Variants in GABRB1 observed in about 807,000 individuals in gnomAD.
The protein encoded by GABRB1 is gamma-aminobutyric acid receptor subunit beta-1.
In GABRB1, 17 loss-of-function variants were observed where a neutral mutation model predicts 51.6. That is an observed-to-expected ratio of 0.33 (90% CI 0.23 to 0.49). GABRB1 has a LOEUF of 0.49. GABRB1 is among the 20% of genes least tolerant of loss of function. GABRB1 has a pLI of 0.99. For missense variants in GABRB1, 410 were observed against 600.6 expected, an observed-to-expected ratio of 0.68 and a Z score of 3.32; for synonymous variants, 247 against 218.9, an observed-to-expected ratio of 1.13 and a Z score of -1.14.
intron 3 of GABRB1, among the ~76,000 whole-genome samples, chr4:47,094,706 C>T (rs1714312650): frequency 1.3e-5 from 2 of 151,404 alleles, no homozygotes; most frequent in Admixed American, 6.6e-5. Context: ...AATAAACCCC[C>T]ATGACACACG....
intron 5 of GABRB1, among the ~76,000 whole-genome samples, chr4:47,389,825 T>C (rs1018863523): frequency 2.6e-5 from 4 of 152,204 alleles, no homozygotes; most frequent in Non-Finnish European, 5.9e-5. Flanking sequence ...ACAGCAGAGC[T>C]CTTGATAAAT....
chr4:47,134,949 G>T (rs924839227), intron 3 of GABRB1, among the ~76,000 whole-genome samples: 33 of 151,964 alleles, frequency 2.2e-4, no homozygotes, highest in Non-Finnish European at 3.8e-4. Flanking sequence ...AGACTTCATC[G>T]CTACTTAAAA....
intron 5 of GABRB1, among the ~76,000 whole-genome samples, chr4:47,350,218 T>TATATATATATATAGAG (rs750199965): frequency 8.8e-5 from 5 of 56,656 alleles, no homozygotes; most frequent in South Asian, 1.7e-3. Flanking sequence ...TATATATATA[T>TATATATATATATAGAG]AGAGAGAGAG....
At chr4:47,237,180 T>C (rs1040281637) in intron 4 of GABRB1, among the ~76,000 whole-genome samples, 1 of 152,022 alleles carries the variant, frequency 6.6e-6, no homozygotes, top group African/African-American at 2.4e-5. Context: ...ATATTATATA[T>C]TTGCTATGAG....
At chr4:47,352,534 C>T (rs541616260) in intron 5 of GABRB1, among the ~76,000 whole-genome samples, 14 of 152,200 alleles carry the variant, frequency 9.2e-5, no homozygotes, top group South Asian at 4.2e-4. Flanking sequence ...ACTGGCAAAC[C>T]GAATCCAGCA....
intron 3 of GABRB1, among the ~76,000 whole-genome samples, chr4:47,098,684 C>A (rs1714578202): frequency 6.6e-6 from 1 of 152,036 alleles, no homozygotes; most frequent in East Asian, 1.9e-4. Context: ...TTCACTATGA[C>A]TCAGGCTAGT....
chr4:47,097,408 A>G (rs528533239), intron 3 of GABRB1, among the ~76,000 whole-genome samples: 1 of 152,194 alleles, frequency 6.6e-6, no homozygotes, highest in East Asian at 1.9e-4. Flanking sequence ...TTGCTCCAAT[A>G]ACACCTAATC....
intron 4 of GABRB1, among the ~76,000 whole-genome samples, chr4:47,228,924 A>T (rs1272943504): frequency 6.6e-6 from 1 of 152,142 alleles, no homozygotes; most frequent in African/African-American, 2.4e-5. Flanking sequence ...CACAGTAACT[A>T]CTACAGCATA....
chr4:47,196,487 A>G (rs554439600), intron 4 of GABRB1, among the ~76,000 whole-genome samples: 7 of 152,310 alleles, frequency 4.6e-5, no homozygotes, highest in African/African-American at 7.2e-5. Flanking sequence ...CTTGTAGAAC[A>G]TGGAGCATAT....
At chr4:47,345,101 A>G (rs550882922) in intron 5 of GABRB1, among the ~76,000 whole-genome samples, 1 of 152,292 alleles carries the variant, frequency 6.6e-6, no homozygotes, top group Non-Finnish European at 1.5e-5. Context: ...ATTAAAATCT[A>G]TGTCTAATGT....
chr4:47,333,396 T>G (rs891275386), intron 5 of GABRB1, among the ~76,000 whole-genome samples: 6 of 152,032 alleles, frequency 3.9e-5, no homozygotes, highest in Admixed American at 1.3e-4. Flanking sequence ...AATGTATGTT[T>G]GAATGAATAG....
intron 4 of GABRB1, among the ~76,000 whole-genome samples, chr4:47,220,737 C>T (rs1413241945): frequency 6.6e-6 from 1 of 151,956 alleles, no homozygotes; most frequent in African/African-American, 2.4e-5. Context: ...TAGAACTCTC[C>T]AGTATCTGTG....
chr4:47,379,993 A>G (rs938400413), intron 5 of GABRB1, among the ~76,000 whole-genome samples: 29 of 152,208 alleles, frequency 1.9e-4, no homozygotes, highest in Non-Finnish European at 7.3e-5. Flanking sequence ...CCAGTTCTAT[A>G]CCTGACCCAT....
At chr4:47,419,265 C>A (rs1340447198) in intron 8 of GABRB1, among the ~76,000 whole-genome samples, 1 of 152,180 alleles carries the variant, frequency 6.6e-6, no homozygotes, top group Admixed American at 6.5e-5. Flanking sequence ...GTGCGCCAGC[C>A]AGAAGCTGGA....
chr4:47,091,104 G>A (rs1370091174), intron 3 of GABRB1, among the ~76,000 whole-genome samples: 5 of 148,862 alleles, frequency 3.4e-5, no homozygotes, highest in Non-Finnish European at 5.9e-5. Flanking sequence ...TTTGGTTGTC[G>A]CATCTAAGAA....
intron 5 of GABRB1, among the ~76,000 whole-genome samples, chr4:47,385,651 C>T (rs1727767278): frequency 6.6e-6 from 1 of 152,178 alleles, no homozygotes. Context: ...TCTTACAATT[C>T]AATTCTGATT....
chr4:47,362,072 T>C, intron 5 of GABRB1, among the ~76,000 whole-genome samples: 1 of 152,082 alleles, frequency 6.6e-6, no homozygotes, highest in East Asian at 1.9e-4. Context: ...CTGCAAAGAA[T>C]TGTGACAAGG....
intron 3 of GABRB1, among the ~76,000 whole-genome samples, chr4:47,138,650 G>T (rs1215117887): frequency 3.3e-5 from 5 of 152,090 alleles, no homozygotes; most frequent in Non-Finnish European, 5.9e-5. Flanking sequence ...TAATTTTGGT[G>T]CTGCTCGATA....
At chr4:47,327,318 G>A (rs4298113) in intron 5 of GABRB1, among the ~76,000 whole-genome samples, 2 of 148,572 alleles carry the variant, frequency 1.3e-5, no homozygotes, top group Admixed American at 6.7e-5. Context: ...TAGTGAAACC[G>A]TATCGCTTAA....
Sources: allele counts gnomAD v4.1 joint callset (sites outside exome capture counted in the v4.1 genomes callset), GRCh38; gene constraint gnomAD v4.1.1; transcripts MANE v1.5; gene names NCBI Gene and HGNC (gene_info 2026-07-23, HGNC 2026-07-21).